The following EPHA3 variants were observed in gnomAD, a reference collection of about 807,000 sequenced individuals.
The protein encoded by EPHA3 is EPH receptor A3.
A neutral mutation model predicts 107.1 loss-of-function variants in EPHA3; 42 were observed. The ratio of observed to expected loss-of-function variants is 0.39; its 90% CI spans 0.31 to 0.51. EPHA3 has a LOEUF of 0.51. EPHA3 is among the 20% of genes least tolerant of loss of function. The pLI, the probability that EPHA3 is intolerant of heterozygous loss-of-function variation, is 0.78. For synonymous variants in EPHA3, 461 were observed against 424.8 expected, an observed-to-expected ratio of 1.09 and a Z score of -1.05; for missense variants, 1,183 against 1,211.2, an observed-to-expected ratio of 0.98 and a Z score of 0.35.
At chr3:89,127,299 A>T (rs1401794519) in intron 2 of EPHA3, 26 bp downstream of exon 2, 1 of 1,567,228 alleles carries the variant, frequency 6.4e-7, no homozygotes, top group Admixed American at 1.7e-5. Flanking sequence ...TATCACAAGG[A>T]AACATTTTCT....
At chr3:89,388,031 G>T (rs897555116) in intron 5 of EPHA3, among the ~76,000 whole-genome samples, 6 of 152,064 alleles carry the variant, frequency 3.9e-5, no homozygotes, top group Non-Finnish European at 7.4e-5. Context: ...TTATGTCTTA[G>T]AATATTTTTC....
At chr3:89,408,908 A>G (rs1351212068) in intron 9 of EPHA3, among the ~76,000 whole-genome samples, 1 of 152,044 alleles carries the variant, frequency 6.6e-6, no homozygotes, top group Non-Finnish European at 1.5e-5. Flanking sequence ...TCTTGTAAGC[A>G]TTAATTTTTT....
At chr3:89,211,004 AATAC>A (rs1457237872) in intron 3 of EPHA3, among the ~76,000 whole-genome samples, 1 of 152,092 alleles carries the variant, frequency 6.6e-6, no homozygotes, top group African/African-American at 2.4e-5. Context: ...CTGGGTATCA[AATAC>A]ATGTTTACTT....
At chr3:89,172,398 C>T (rs955709449) in intron 2 of EPHA3, among the ~76,000 whole-genome samples, 7 of 152,166 alleles carry the variant, frequency 4.6e-5, no homozygotes, top group Middle Eastern at 3.2e-3. Flanking sequence ...CAGGTGGTGG[C>T]CAACTGGCCA....
chr3:89,450,464 T>C (rs1709964360), intron 15 of EPHA3, 94 bp downstream of exon 15: 3 of 1,242,760 alleles, frequency 2.4e-6, no homozygotes, highest in Non-Finnish European at 3.4e-6. Flanking sequence ...CCAAAATGCA[T>C]TATTTGAAGC....
At chr3:89,451,636 A>G (rs1249950573) in intron 15 of EPHA3, among the ~76,000 whole-genome samples, 2 of 152,156 alleles carry the variant, frequency 1.3e-5, no homozygotes, top group Non-Finnish European at 2.9e-5. Flanking sequence ...TGTGAGTTCA[A>G]TAGTATCTTG....
intron 3 of EPHA3, among the ~76,000 whole-genome samples, chr3:89,255,152 T>C (rs1200745503): frequency 6.6e-6 from 1 of 152,200 alleles, no homozygotes; most frequent in Non-Finnish European, 1.5e-5. Context: ...AGAAAATTCT[T>C]ATATATAGCA....
At chr3:89,294,818 CT>C (rs1706305827) in intron 3 of EPHA3, among the ~76,000 whole-genome samples, 2 of 152,124 alleles carry the variant, frequency 1.3e-5, no homozygotes, top group African/African-American at 4.8e-5. Context: ...GTTTCTCTCT[CT>C]ATTATGAGTT....
chr3:89,293,145 TTGG>T (rs1706256662), intron 3 of EPHA3, among the ~76,000 whole-genome samples: 1 of 152,182 alleles, frequency 6.6e-6, no homozygotes, highest in Non-Finnish European at 1.5e-5. Flanking sequence ...CATATTTTCT[TTGG>T]TGAAGAGTCT....
chr3:89,442,680 A>G (rs1709808276), intron 13 of EPHA3, among the ~76,000 whole-genome samples: 1 of 152,190 alleles, frequency 6.6e-6, no homozygotes, highest in Admixed American at 6.5e-5. Flanking sequence ...AGTGGGGATC[A>G]AATGTTTCTC....
At chr3:89,259,977 T>C (rs1222869622) in intron 3 of EPHA3, among the ~76,000 whole-genome samples, 1 of 152,194 alleles carries the variant, frequency 6.6e-6, no homozygotes, top group Non-Finnish European at 1.5e-5. Flanking sequence ...TCCTTCCACA[T>C]TGTCACAAAT....
At chr3:89,262,557 A>G (rs1705439909) in intron 3 of EPHA3, among the ~76,000 whole-genome samples, 2 of 152,188 alleles carry the variant, frequency 1.3e-5, no homozygotes. Context: ...AGTCTACCCT[A>G]ATCAATATGT....
intron 3 of EPHA3, among the ~76,000 whole-genome samples, chr3:89,239,475 A>ATCTT (rs1357853736): frequency 1.3e-5 from 2 of 152,214 alleles, no homozygotes; most frequent in Non-Finnish European, 1.5e-5. Flanking sequence ...GGGATATTAT[A>ATCTT]TCTTGCTGCT....
chr3:89,216,328 C>T (rs182260398), intron 3 of EPHA3, among the ~76,000 whole-genome samples: 21 of 152,020 alleles, frequency 1.4e-4, no homozygotes, highest in Admixed American at 1.3e-3. Flanking sequence ...TAGAACATTG[C>T]TTTGTAGACA....
In EPHA3 at chr3:89,422,410, A is replaced by G. The variant is rs185489794; in HGVS notation, c.2074+3020A>G. On this transcript the variant is annotated intron_variant, in intron 11 of 16. Transcript: ENST00000336596. ...AGCTTATAATTTAATGAACAAAATA[A>G]TATTTTCAAAAGCAGGCATATCAGT... 9.7e-3 allele frequency among the ~76,000 whole-genome samples: 1,475 copies of G among 151,514 alleles called. 27 individuals carry two copies. Among genetic ancestry groups the G allele is most frequent in the African/African-American group, 0.034 (1,411 of 41,444 alleles).
chr3:89,319,488 A>G (rs1027303537), intron 3 of EPHA3, among the ~76,000 whole-genome samples: 1 of 152,008 alleles, frequency 6.6e-6, no homozygotes, highest in Non-Finnish European at 1.5e-5. Flanking sequence ...GCTAATGACA[A>G]TACACTATAC....
intron 15 of EPHA3, among the ~76,000 whole-genome samples, chr3:89,467,863 G>A (rs1263285537): frequency 6.6e-6 from 1 of 152,186 alleles, no homozygotes; most frequent in East Asian, 1.9e-4. Flanking sequence ...TTTATGAAAA[G>A]CTGTAAAAGA....
intron 1 of EPHA3, among the ~76,000 whole-genome samples, chr3:89,117,865 G>T (rs937007060): frequency 2.6e-5 from 4 of 151,964 alleles, no homozygotes; most frequent in African/African-American, 9.7e-5. Flanking sequence ...TACAAACTGA[G>T]ATTTCTTTCC....
intron 5 of EPHA3, among the ~76,000 whole-genome samples, chr3:89,377,980 A>G (rs1240322859): frequency 3.9e-5 from 6 of 152,098 alleles, no homozygotes; most frequent in Non-Finnish European, 8.8e-5. Context: ...ACTCCAGGTT[A>G]TTCTTTTTTA....
Sources: allele counts gnomAD v4.1 joint callset (sites outside exome capture counted in the v4.1 genomes callset), GRCh38; gene constraint gnomAD v4.1.1; transcripts MANE v1.5; gene names NCBI Gene and HGNC (gene_info 2026-07-23, HGNC 2026-07-21).